Variants in SHROOM3 observed in about 807,000 individuals in gnomAD.
SHROOM3 encodes the protein shroom family member 3.
Under a neutral mutation model 138.6 loss-of-function variants are expected in SHROOM3, and 47 were observed. The observed-to-expected ratio is 0.34, with a 90% CI of 0.27 to 0.43. The LOEUF is 0.43. Among genes scored for constraint, SHROOM3 ranks in the 20% least tolerant of loss-of-function variants. SHROOM3 has a pLI of 1.00. For missense variants in SHROOM3, 2,491 were observed against 2,596.5 expected, an observed-to-expected ratio of 0.96 and a Z score of 0.88; for synonymous variants, 1,062 against 1,063.3, an observed-to-expected ratio of 1.00 and a Z score of 0.02.
At chr4:76,678,525 G>T (rs1292035729) in intron 2 of SHROOM3, among the ~76,000 whole-genome samples, 1 of 152,110 alleles carries the variant, frequency 6.6e-6, no homozygotes, top group Non-Finnish European at 1.5e-5. Flanking sequence ...ATGTAGTCAA[G>T]ACTTTATATA....
intron 2 of SHROOM3, among the ~76,000 whole-genome samples, chr4:76,608,259 C>G (rs929130997): frequency 1.3e-5 from 2 of 152,216 alleles, no homozygotes; most frequent in Non-Finnish European, 2.9e-5. Flanking sequence ...CGCATTCGTT[C>G]ATCAGTGAGC....
intron 1 of SHROOM3, among the ~76,000 whole-genome samples, chr4:76,505,978 G>A (rs1039462750): frequency 6.6e-6 from 1 of 151,942 alleles, no homozygotes; most frequent in African/African-American, 2.4e-5. Context: ...TATATGGAAG[G>A]ATGTCATCAA....
chr4:76,696,594 T>C (rs1020431606), intron 2 of SHROOM3, among the ~76,000 whole-genome samples: 14 of 152,190 alleles, frequency 9.2e-5, no homozygotes, highest in Admixed American at 8.5e-4. Flanking sequence ...TAGGCTGGCC[T>C]GGCCTGGCGT....
intron 2 of SHROOM3, among the ~76,000 whole-genome samples, chr4:76,678,028 C>A (rs1007030551): frequency 1.3e-5 from 2 of 152,146 alleles, no homozygotes; most frequent in African/African-American, 4.8e-5. Flanking sequence ...TGGCTAGAAT[C>A]CCTCTTAGAA....
chr4:76,704,641 G>T (rs1208606181), intron 2 of SHROOM3, among the ~76,000 whole-genome samples: 1 of 152,224 alleles, frequency 6.6e-6, no homozygotes, highest in Non-Finnish European at 1.5e-5. Flanking sequence ...AGGAGGGGCA[G>T]GAGCCACGTC....
chr4:76,474,742 C>T (rs1731447560), intron 1 of SHROOM3, among the ~76,000 whole-genome samples: 1 of 151,402 alleles, frequency 6.6e-6, no homozygotes, highest in Non-Finnish European at 1.5e-5. Flanking sequence ...TGGTAAAACC[C>T]ATCTCTACTA....
intron 3 of SHROOM3, among the ~76,000 whole-genome samples, chr4:76,721,872 C>G (rs1454076396): frequency 6.6e-6 from 1 of 152,052 alleles, no homozygotes; most frequent in African/African-American, 2.4e-5. Context: ...GGAGGAATAC[C>G]AGAAGTAAAT....
At position 76,779,811 on chromosome 4, in the gene SHROOM3, T is replaced by A. The variant is rs983995283; in HGVS notation, c.*634T>A. ...AGATAGTCACGTTGAGCGTGAAGAC[T>A]TTTTTTCTTACATTCCTGTCTTATT... On this transcript the variant is annotated 3_prime_UTR_variant, in exon 11 of 11. Transcript: ENST00000296043. The A allele has an allele frequency of 6.5e-6, 1 of 152,868 alleles. No homozygotes were observed. Among genetic ancestry groups the A allele is most frequent in the African/African-American group, 2.4e-5 (1 of 41,458 alleles). 9.5% of individuals were successfully genotyped at this position (152,868 alleles called of 1,614,324 possible).
intron 1 of SHROOM3, among the ~76,000 whole-genome samples, chr4:76,468,805 G>A (rs1305376068): frequency 6.6e-6 from 1 of 152,008 alleles, no homozygotes; most frequent in Non-Finnish European, 1.5e-5. Context: ...CAAGGCAGGT[G>A]GATCACCAGA....
At chr4:76,746,953 A>T (rs1033569410) in intron 5 of SHROOM3, among the ~76,000 whole-genome samples, 1 of 151,880 alleles carries the variant, frequency 6.6e-6, no homozygotes, top group Admixed American at 6.6e-5. Flanking sequence ...AGTAGCTCGG[A>T]CTACAGGCGC....
At chr4:76,593,349 C>T (rs1459605315) in intron 2 of SHROOM3, among the ~76,000 whole-genome samples, 1 of 152,202 alleles carries the variant, frequency 6.6e-6, no homozygotes, top group East Asian at 1.9e-4. Context: ...GAGGATTTGG[C>T]ATCCTACCAG....
Position 76,646,337 on chromosome 4 carries a change from T to A in SHROOM3, c.324-63819T>A, listed in dbSNP as rs77734468. On this transcript the variant is annotated intron_variant, in intron 2 of 10. Coordinates refer to ENST00000296043, the MANE Select transcript of SHROOM3 (RefSeq NM_020859.4). ...CTGTCCCAAAACTTCAATTCTTTCA[T>A]CCTTCTTAGACCAAACAGAAAACAT... 7.3e-3 allele frequency among the ~76,000 whole-genome samples: 1,101 copies of A among 150,726 alleles called. 10 individuals carry two copies. Among genetic ancestry groups the A allele is most frequent in the African/African-American group, 0.026 (1,057 of 41,008 alleles).
intron 2 of SHROOM3, among the ~76,000 whole-genome samples, chr4:76,628,654 G>A (rs4346667): frequency 0.66 from 99,802 of 152,022 alleles, 33,409 homozygotes; most frequent in East Asian, 0.94. Context: ...GGTATAGATA[G>A]TAAATGTTAA....
chr4:76,776,815 G>A (rs185842955), intron 10 of SHROOM3, among the ~76,000 whole-genome samples: 1 of 152,224 alleles, frequency 6.6e-6, no homozygotes, highest in South Asian at 2.1e-4. Flanking sequence ...TCTTCTACAT[G>A]TGGCTTACCA....
chr4:76,726,518 T>C (rs1720709094), intron 3 of SHROOM3, among the ~76,000 whole-genome samples: 1 of 120,894 alleles, frequency 8.3e-6, no homozygotes, highest in East Asian at 2.3e-4. Context: ...CTCTTCTCTC[T>C]CTCCACTCCC....
rs1192739993 is a variant in SHROOM3 at position 76,740,234 on chromosome 4, T to C, written c.2061T>C (p.Gly687=). 6.2e-7 allele frequency: 1 copy of C among 1,613,230 alleles called. No individual in the cohort carries two copies. The highest frequency in any genetic ancestry group is 8.5e-7 in the Non-Finnish European group (1 of 1,180,012). The change falls in exon 5 of 11, where the codon GGT becomes GGC. Residue 687 remains glycine, a synonymous_variant. Coordinates refer to ENST00000296043, the MANE Select transcript of SHROOM3 (RefSeq NM_020859.4). The surrounding 1 kb of genome is among the most constrained non-coding windows in gnomAD (Gnocchi z 4.0). ...AGCTAGGCCGGGGAACCCAGGAGGG[T>C]TACCCCGGGGGCAGGCCCACCTGTG... ...SLELGRGTQE[G]YPGGRPTCAV...
intron 1 of SHROOM3, among the ~76,000 whole-genome samples, chr4:76,439,844 G>A (rs529513855): frequency 5.9e-5 from 9 of 152,266 alleles, no homozygotes; most frequent in Non-Finnish European, 8.8e-5. Flanking sequence ...GGTAACAATA[G>A]AATAAATCAT....
chr4:76,518,479 CCTGT>C (rs1244328506), intron 1 of SHROOM3, among the ~76,000 whole-genome samples: 180 of 147,598 alleles, frequency 1.2e-3, no homozygotes, highest in African/African-American at 3.7e-3. Context: ...TTCCTTTTTG[CCTGT>C]CTGCCTGCCT....
intron 1 of SHROOM3, among the ~76,000 whole-genome samples, chr4:76,511,631 T>C (rs992361297): frequency 6.6e-6 from 1 of 152,236 alleles, no homozygotes; most frequent in Non-Finnish European, 1.5e-5. Context: ...AAACAACTTC[T>C]GTCTTCCAGG....
Sources: allele counts gnomAD v4.1 joint callset (sites outside exome capture counted in the v4.1 genomes callset), GRCh38; gene constraint gnomAD v4.1.1; non-coding constraint Gnocchi (gnomAD v3.1); transcripts MANE v1.5; gene names NCBI Gene and HGNC (gene_info 2026-07-23, HGNC 2026-07-21).